The following EAPP variants were observed in gnomAD, a reference collection of about 807,000 sequenced individuals.
The protein encoded by EAPP is E2F associated phosphoprotein, also known as E2F-associated phosphoprotein.
In EAPP, 38 loss-of-function variants were observed where a neutral mutation model predicts 34.3. The ratio of observed to expected loss-of-function variants is 1.11; its 90% CI spans 0.85 to 1.45. The LOEUF (loss-of-function observed/expected upper bound fraction) is 1.45. EAPP is among the 40% of genes most tolerant of loss of function. The pLI, the probability that EAPP is intolerant of heterozygous loss-of-function variation, is 0.00. For synonymous variants in EAPP, 113 were observed against 117.6 expected (o/e 0.96, Z 0.25); for missense variants, 338 against 343.7 (o/e 0.98, Z 0.13).
intron 5 of EAPP, among the ~76,000 whole-genome samples, chr14:34,519,632 C>T (rs1879847836): frequency 1.3e-5 from 2 of 151,928 alleles, no homozygotes; most frequent in Admixed American, 6.6e-5. Flanking sequence ...ATAAATTATC[C>T]AGTCTCGGGT....
intron 4 of EAPP, 140 bp downstream of exon 4, chr14:34,529,218 C>G: frequency 1.7e-6 from 1 of 602,696 alleles, no homozygotes; most frequent in Non-Finnish European, 2.8e-6. Context: ...AACTACTGAG[C>G]AGTTTTTTCC....
At chr14:34,530,466 G>A (rs1880246617) in intron 3 of EAPP, among the ~76,000 whole-genome samples, 1 of 152,160 alleles carries the variant, frequency 6.6e-6, no homozygotes, top group Non-Finnish European at 1.5e-5. Flanking sequence ...GTCTGAGGAT[G>A]TAGTGAGCTA....
At chr14:34,532,715 C>G (rs1880337943) in intron 3 of EAPP, among the ~76,000 whole-genome samples, 1 of 148,990 alleles carries the variant, frequency 6.7e-6, no homozygotes, top group African/African-American at 2.5e-5. Context: ...CACTCTGTTG[C>G]CCAGGCTGGA....
intron 2 of EAPP, chr14:34,535,768 A>G (rs998911507): frequency 2.1e-4 from 43 of 202,630 alleles, no homozygotes; most frequent in African/African-American, 9.4e-4. Context: ...ACAGTGGTAC[A>G]TGCCTGTAAT....
chr14:34,520,611 C>T (rs115221399), intron 5 of EAPP, among the ~76,000 whole-genome samples: 3,091 of 152,224 alleles, frequency 0.02, 97 homozygotes, highest in African/African-American at 0.066. Context: ...AAACAATTCT[C>T]GTGCCTCAGC....
chr14:34,530,148 C>T (rs557593323), intron 3 of EAPP, among the ~76,000 whole-genome samples: 44 of 151,864 alleles, frequency 2.9e-4, no homozygotes, highest in African/African-American at 1.0e-3. Context: ...TGTGGTGAGC[C>T]GAGATCACGC....
At chr14:34,527,054 C>T (rs1880119215) in intron 4 of EAPP, among the ~76,000 whole-genome samples, 1 of 151,314 alleles carries the variant, frequency 6.6e-6, no homozygotes, top group Non-Finnish European at 1.5e-5. Flanking sequence ...CCTGTAATCC[C>T]AGCTACTCAG....
intron 5 of EAPP, among the ~76,000 whole-genome samples, chr14:34,521,253 TAG>T (rs1473731916): frequency 6.6e-6 from 1 of 151,442 alleles, no homozygotes; most frequent in African/African-American, 2.4e-5. Context: ...ACATTTTTAG[TAG>T]AGACAGGGTT....
intron 5 of EAPP, among the ~76,000 whole-genome samples, chr14:34,522,894 G>A (rs1386545106): frequency 6.6e-6 from 1 of 152,112 alleles, no homozygotes; most frequent in East Asian, 1.9e-4. Context: ...AGTTGAGGCA[G>A]GGACAGATCT....
At chr14:34,524,424 C>T (rs1025493406) in intron 5 of EAPP, among the ~76,000 whole-genome samples, 1 of 151,784 alleles carries the variant, frequency 6.6e-6, no homozygotes, top group Non-Finnish European at 1.5e-5. Context: ...ATCTATCTAT[C>T]TATCTATCTA....
chr14:34,524,616 C>CAA (rs772618044), intron 5 of EAPP, 81 bp downstream of exon 5: 15,349 of 864,432 alleles, frequency 0.018, 48 homozygotes, highest in Non-Finnish European at 0.022. Context: ...ACTCTGACTT[C>CAA]AAAAAAAAAA....
intron 4 of EAPP, among the ~76,000 whole-genome samples, chr14:34,528,899 G>A (rs1174433056): frequency 6.6e-6 from 1 of 151,786 alleles, no homozygotes; most frequent in African/African-American, 2.4e-5. Context: ...CACTTTGGGA[G>A]GCCGAGACAG....
rs1880474710 is a variant in EAPP at position 34,536,372 on chromosome 14, T to C, written c.75-97A>G. On this transcript the variant is annotated intron_variant, in intron 1 of 5. Transcript: ENST00000250454. ...ACTGTCCAACAACAATTTTAAGTATTACATGGTTACATTTGATGTACTTAT... is the reference window on the plus strand; with the variant it reads ...ACTGTCCAACAACAATTTTAAGTATCACATGGTTACATTTGATGTACTTAT... The C allele has an allele frequency of 4.6e-5, 41 of 889,014 alleles. 2 individuals carry two copies. In the South Asian group the frequency reaches 7.5e-4, roughly 16 times the overall value. The allele number at this position is 889,014 out of a possible 1,614,324, so 55.1% of individuals were successfully genotyped here.
intron 5 of EAPP, among the ~76,000 whole-genome samples, chr14:34,523,702 A>T (rs1046984631): frequency 6.6e-5 from 10 of 151,684 alleles, no homozygotes; most frequent in Non-Finnish European, 1.0e-4. Context: ...ATACTCAGCT[A>T]ATTTTTTATT....
At chr14:34,520,889 T>C (rs1370216789) in intron 5 of EAPP, among the ~76,000 whole-genome samples, 1 of 152,120 alleles carries the variant, frequency 6.6e-6, no homozygotes, top group East Asian at 1.9e-4. Context: ...AGCTACTTTA[T>C]ATGCTATTTG....
intron 3 of EAPP, among the ~76,000 whole-genome samples, chr14:34,531,340 T>C (rs886902668): frequency 6.6e-6 from 1 of 151,922 alleles, no homozygotes; most frequent in Admixed American, 6.6e-5. Context: ...CGGTGGCTCA[T>C]GCCTGTAATC....
chr14:34,524,281 T>C (rs1880018478), intron 5 of EAPP, among the ~76,000 whole-genome samples: 2 of 152,070 alleles, frequency 1.3e-5, no homozygotes, highest in African/African-American at 2.4e-5. Context: ...TCCCAGCCAC[T>C]TGGAGGCTGA....
chr14:34,530,357 A>AC (rs1201470783), intron 3 of EAPP, among the ~76,000 whole-genome samples: 8 of 151,862 alleles, frequency 5.3e-5, no homozygotes, highest in Non-Finnish European at 1.0e-4. Context: ...GCATAATGAG[A>AC]CCCCATCTCT....
At chr14:34,525,053 C>A (rs1339717293) in intron 4 of EAPP, among the ~76,000 whole-genome samples, 2 of 152,104 alleles carry the variant, frequency 1.3e-5, no homozygotes, top group African/African-American at 4.8e-5. Context: ...AAGTCACCAA[C>A]TGCCAAAGCT....
Sources: allele counts gnomAD v4.1 joint callset (sites outside exome capture counted in the v4.1 genomes callset), GRCh38; gene constraint gnomAD v4.1.1; transcripts MANE v1.5; gene names NCBI Gene and HGNC (gene_info 2026-07-23, HGNC 2026-07-21).